WDR62: variants seen among roughly 807,000 people sequenced by gnomAD.
The protein encoded by WDR62 is WD repeat domain 62, also known as WD repeat-containing protein 62.
A neutral mutation model predicts 160.6 loss-of-function variants in WDR62; 112 were observed. The ratio of observed to expected loss-of-function variants is 0.70; its 90% confidence interval spans 0.60 to 0.82. The LOEUF (loss-of-function observed/expected upper bound fraction) is 0.82. Ranked by LOEUF, WDR62 falls within the 40% of genes least tolerant of loss-of-function variation. The pLI, the probability that WDR62 is intolerant of heterozygous loss-of-function variation, is 0.00. For synonymous variants in WDR62, 792 were observed against 815.1 expected, an observed-to-expected ratio of 0.97 and a Z score of 0.48; for missense variants, 1,819 against 1,983.8, an observed-to-expected ratio of 0.92 and a Z score of 1.58.
intron 5 of WDR62, 91 bp from the exon 6 acceptor site, chr19:36,067,215 G>A (rs1205402460): frequency 1.9e-6 from 3 of 1,567,278 alleles, no homozygotes; most frequent in Admixed American, 3.3e-5. Flanking sequence ...TTGGAGTGGG[G>A]ACGAGCAGGG....
intron 21 of WDR62, among the ~76,000 whole-genome samples, chr19:36,098,846 T>C (rs1973137870): frequency 6.6e-6 from 1 of 152,174 alleles, no homozygotes; most frequent in Admixed American, 6.5e-5. Flanking sequence ...CCCAGCACTT[T>C]GGGAGGCCGA....
At position 36,103,641 on chromosome 19, in the gene WDR62, GACA is replaced by G. The variant is rs750850669; in HGVS notation, c.3817_3819del (p.Thr1273del). 1.2e-6 allele frequency: 2 copies of G among 1,608,706 alleles called. No homozygotes were observed. Among genetic ancestry groups the G allele is most frequent in the Non-Finnish European group, 1.7e-6 (2 of 1,179,326 alleles). On this transcript the variant is annotated inframe_deletion, in exon 30 of 32. Coordinates refer to ENST00000401500, the MANE Select transcript of WDR62 (RefSeq NM_001083961.2). Reference sequence around the variant, plus strand: ...AGGAGCTTCAGGCCATCACCACCGCGACAACACCCAGTTTGGACAGTGAGGGCC... The same window carrying G: ...AGGAGCTTCAGGCCATCACCACCGCGACACCCAGTTTGGACAGTGAGGGCC...
chr19:36,060,149 C>T (rs867855549), intron 3 of WDR62, 119 bp downstream of exon 3: 2 of 1,069,780 alleles, frequency 1.9e-6, no homozygotes, highest in Middle Eastern at 2.5e-4. Flanking sequence ...TACATGTTGG[C>T]TCAGCAGCAT....
chr19:36,108,571 G>A (rs76644386), downstream of WDR62, among the ~76,000 whole-genome samples: 1,102 of 152,266 alleles, frequency 7.2e-3, 18 homozygotes, highest in African/African-American at 0.026. Flanking sequence ...GGGATTCCTC[G>A]GCAGGATGCA....
chr19:36,086,669 C>T lies in WDR62; in HGVS notation c.1643-18C>T. 1.9e-6 allele frequency: 3 copies of T among 1,592,538 alleles called. No individual in the cohort carries two copies. Among genetic ancestry groups the T allele is most frequent in the African/African-American group, 1.3e-5 (1 of 74,546 alleles). ...CCACGCAGCCTTCAGGAACCAGTCT[C>T]ATTCTCTCCTCTCACAGGGCTGACC... On this transcript the variant is annotated intron_variant, in intron 12 of 31. Transcript: ENST00000401500.
intron 3 of WDR62, among the ~76,000 whole-genome samples, chr19:36,064,280 CTG>C (rs912348510): frequency 1.3e-5 from 2 of 150,872 alleles, no homozygotes; most frequent in African/African-American, 4.9e-5. Context: ...TTTTTTTTTT[CTG>C]TCTCTCTTTT....
At position 36,081,410 on chromosome 19, in the gene WDR62, G is replaced by A. The variant is rs370787796; in HGVS notation, c.1234-23G>A. The A allele has an allele frequency of 2.5e-6, 4 of 1,612,146 alleles. No individual in the cohort carries two copies. The African/African-American group carries it at 5.4e-5, about 22-fold the overall frequency. Reference sequence around the variant, plus strand: ...TAGTGCTGTCATTGAGTCATCCTTTGCCTTGTCCTCTGGGAACTGTAGGTG... The same window carrying A: ...TAGTGCTGTCATTGAGTCATCCTTTACCTTGTCCTCTGGGAACTGTAGGTG... On this transcript the variant is annotated intron_variant, in intron 9 of 31. Transcript: ENST00000401500.
Position 36,104,629 on chromosome 19 carries a change from A to G in WDR62, c.4265A>G (p.His1422Arg), listed in dbSNP as rs1973626751. 2 of 1,614,058 alleles carry G rather than the reference A, an allele frequency of 1.2e-6. No individual in the cohort carries two copies. Among genetic ancestry groups the G allele is most frequent in the Non-Finnish European group, 1.7e-6 (2 of 1,180,020 alleles). Reference sequence around the variant, plus strand: ...CTGAGCAGGGTGGGGAACATCTTGCACAGGCTGCAGACCACCTTCCAAGAA... The same window carrying G: ...CTGAGCAGGGTGGGGAACATCTTGCGCAGGCTGCAGACCACCTTCCAAGAA... ...LELSRVGNIL[H>R]RLQTTFQEAL... Residue 1422 changes from histidine to arginine, a missense_variant, in exon 31 of 32, where the codon CAC (histidine) becomes CGC (arginine). His to Arg is a conservative substitution (Grantham distance 29, BLOSUM62 0). Transcript: ENST00000401500.
intron 3 of WDR62, chr19:36,061,962 GAC>G (rs1283746223): frequency 6.8e-6 from 1 of 146,286 alleles, no homozygotes; most frequent in African/African-American, 2.5e-5. Flanking sequence ...TTTTTTTTTG[GAC>G]ACAGAGTCTT....
At chr19:36,074,561 G>A (rs1971476505) in intron 9 of WDR62, among the ~76,000 whole-genome samples, 1 of 152,106 alleles carries the variant, frequency 6.6e-6, no homozygotes, top group Non-Finnish European at 1.5e-5. Flanking sequence ...GGCTGCGGCA[G>A]GGGGGCTGAA....
intron 3 of WDR62, among the ~76,000 whole-genome samples, chr19:36,062,960 T>C (rs1014033299): frequency 2.0e-5 from 3 of 151,938 alleles, no homozygotes; most frequent in Non-Finnish European, 4.4e-5. Flanking sequence ...ACATTTTTTT[T>C]TTTCTTTTTG....
At chr19:36,083,379 C>T (rs868290057) in intron 11 of WDR62, 138 bp downstream of exon 11, 1 of 917,756 alleles carries the variant, frequency 1.1e-6, no homozygotes, top group South Asian at 1.4e-5. Flanking sequence ...ATCCCATGAA[C>T]AGCTCCCATT....
chr19:36,068,491 A>G (rs532013135), intron 7 of WDR62, among the ~76,000 whole-genome samples: 85 of 152,348 alleles, frequency 5.6e-4, no homozygotes, highest in Non-Finnish European at 1.1e-3. Flanking sequence ...TTTCCTAGGC[A>G]GAGGACCCTG....
intron 3 of WDR62, among the ~76,000 whole-genome samples, chr19:36,062,986 C>G (rs999785748): frequency 1.9e-4 from 29 of 151,676 alleles, no homozygotes; most frequent in Admixed American, 2.0e-4. Flanking sequence ...GAGTCTCTGT[C>G]GTCAGGCTGG....
Position 36,086,677 on chromosome 19 carries a change from C to T in WDR62, c.1643-10C>T, listed in dbSNP as rs4806263. On this transcript the variant is annotated splice_polypyrimidine_tract_variant and intron_variant, in intron 12 of 31. Coordinates refer to ENST00000401500, the MANE Select transcript of WDR62 (RefSeq NM_001083961.2). ...CCTTCAGGAACCAGTCTCATTCTCT[C>T]CTCTCACAGGGCTGACCTTGCTGGC... The T allele has an allele frequency of 0.11, 170,034 of 1,594,750 alleles. 10,145 individuals carry two copies. Among genetic ancestry groups the T allele is most frequent in the African/African-American group, 0.23 (16,769 of 74,490 alleles).
chr19:36,103,136 C>A lies in WDR62; in HGVS notation c.3463-20C>A, dbSNP rs916036251. 1 of 1,613,946 alleles carries A rather than the reference C, an allele frequency of 6.2e-7. No individual in the cohort carries two copies. The highest frequency in any genetic ancestry group is 8.5e-7 in the Non-Finnish European group (1 of 1,180,040). On this transcript the variant is annotated intron_variant, in intron 28 of 31. Transcript: ENST00000401500. ...TGGGAACCCTGAGGCCTTGTCCTCA[C>A]CTCAGAGCTGTGCCTGCAGGTCCTC...
chr19:36,089,166 G>A lies in WDR62; in HGVS notation c.1837-19G>A, dbSNP rs1187491969. On this transcript the variant is annotated intron_variant, in intron 14 of 31. Coordinates refer to ENST00000401500, the MANE Select transcript of WDR62 (RefSeq NM_001083961.2). ...GGGGTTGTCGGGGCATTCTCTGAAG[G>A]TCCTGCCGGCCCTGCCAGGGTTCGG... The A allele has an allele frequency of 6.2e-7, 1 of 1,613,404 alleles. No homozygotes were observed.
At chr19:36,088,858 C>T (rs937961574) in intron 13 of WDR62, among the ~76,000 whole-genome samples, 180 bp from the exon 14 acceptor site, 3 of 152,236 alleles carry the variant, frequency 2.0e-5, no homozygotes, top group Non-Finnish European at 4.4e-5. Context: ...CCTGTGCCCC[C>T]TCACACGTAC....
Position 36,066,020 on chromosome 19 carries a change from G to T in WDR62, c.390+5G>T. 3.7e-6 allele frequency: 6 copies of T among 1,614,066 alleles called. No homozygotes were observed. The highest frequency in any genetic ancestry group is 5.1e-6 in the Non-Finnish European group (6 of 1,180,012). On this transcript the variant is annotated splice_donor_5th_base_variant and intron_variant, in intron 4 of 31. Transcript: ENST00000401500. ...AAGTACATAGTGACAGGGGAGGTGA[G>T]TCGTGATCGTGACTGAGTGGGAGTC... is the stretch of plus-strand genomic sequence containing the variant.
Sources: gnomAD v4.1 joint callset for allele counts (sites outside exome capture counted in the v4.1 genomes callset) on GRCh38, gnomAD v4.1.1 for gene constraint, MANE v1.5 for transcripts, NCBI Gene and HGNC (gene_info 2026-07-23, HGNC 2026-07-21) for gene names.